HPSE2: variants seen among roughly 807,000 people sequenced by gnomAD.
The protein encoded by HPSE2 is inactive heparanase-2.
A neutral mutation model predicts 60.5 loss-of-function variants in HPSE2; 38 were observed. That is an observed-to-expected ratio of 0.63 (90% confidence interval 0.48 to 0.82). The LOEUF is 0.82. Ranked by LOEUF, HPSE2 falls within the 40% of genes least tolerant of loss-of-function variation. The pLI is 0.00. For synonymous variants in HPSE2, 295 were observed against 293.2 expected (o/e 1.01, Z -0.06); for missense variants, 713 against 740.4 (o/e 0.96, Z 0.43).
At chr10:98,909,592 T>G (rs965833981) in intron 3 of HPSE2, among the ~76,000 whole-genome samples, 1 of 149,550 alleles carries the variant, frequency 6.7e-6, no homozygotes, top group South Asian at 2.1e-4. Flanking sequence ...ATCGCGCCAC[T>G]GCACCCAGCC....
intron 9 of HPSE2, among the ~76,000 whole-genome samples, chr10:98,592,696 T>C (rs1186545904): frequency 6.6e-6 from 1 of 152,230 alleles, no homozygotes; most frequent in African/African-American, 2.4e-5. Flanking sequence ...GATTAATTTA[T>C]ATAGAAGTCA....
chr10:98,848,397 G>C (rs1189496918), intron 3 of HPSE2, among the ~76,000 whole-genome samples: 1 of 151,284 alleles, frequency 6.6e-6, no homozygotes, highest in Non-Finnish European at 1.5e-5. Context: ...CAGCCTGGGT[G>C]ACAGATTGAG....
rs1334070322 is a variant in HPSE2 at position 98,941,903 on chromosome 10, C to T, written c.611-197847G>A. On this transcript the variant is annotated intron_variant, in intron 3 of 11. Coordinates refer to ENST00000370552, the MANE Select transcript of HPSE2 (RefSeq NM_021828.5). The stretch of plus-strand genomic sequence containing the variant: ...AGAGATATAGATCAATGGAACAGAA[C>T]AGAGCCCTCAGAAATAATGCCACAT... Among the ~76,000 whole-genome samples, 13 of 141,822 alleles carry T rather than the reference C, an allele frequency of 9.2e-5. 1 individual carries two copies. The highest frequency in any genetic ancestry group is 4.3e-4 in the South Asian group (2 of 4,698). The allele number at this position is 141,822 out of a possible 152,430, so 93.0% of individuals were successfully genotyped here. A position where few individuals can be genotyped will look rare whatever the true frequency, so the allele number is the denominator to read the frequency against.
intron 3 of HPSE2, among the ~76,000 whole-genome samples, chr10:98,868,078 AAAATAAATAAATAAATAAAT>A (rs34543812): frequency 6.8e-4 from 96 of 140,270 alleles, no homozygotes; most frequent in South Asian, 1.4e-3. Flanking sequence ...AGAAAGAAAG[AAAATAAATAAATAAATAAAT>A]AAATAAATAA....
chr10:98,941,927 A>G (rs1276407548), intron 3 of HPSE2, among the ~76,000 whole-genome samples: 6 of 140,420 alleles, frequency 4.3e-5, no homozygotes, highest in Non-Finnish European at 9.1e-5. Flanking sequence ...ATAATGCCAC[A>G]TATCTACAGC....
intron 9 of HPSE2, among the ~76,000 whole-genome samples, chr10:98,613,867 A>G (rs1290302446): frequency 6.6e-6 from 1 of 152,216 alleles, no homozygotes; most frequent in Non-Finnish European, 1.5e-5. Context: ...TGTCATGACC[A>G]TGACTTCTGT....
At chr10:98,754,917 T>C (rs1489555520) in intron 3 of HPSE2, among the ~76,000 whole-genome samples, 1 of 151,926 alleles carries the variant, frequency 6.6e-6, no homozygotes, top group Admixed American at 6.6e-5. Context: ...ACTGTTTTAC[T>C]GGTCATTACA....
intron 2 of HPSE2, among the ~76,000 whole-genome samples, chr10:99,167,769 G>A (rs542498569): frequency 5.3e-5 from 8 of 151,904 alleles, no homozygotes; most frequent in East Asian, 1.9e-4. Context: ...ACAAACACAC[G>A]TATACAGAAA....
At chr10:98,750,516 A>G (rs1949734409) in intron 3 of HPSE2, among the ~76,000 whole-genome samples, 1 of 152,196 alleles carries the variant, frequency 6.6e-6, no homozygotes, top group Non-Finnish European at 1.5e-5. Flanking sequence ...TTAGGAGTCT[A>G]TAGCAATAAT....
chr10:98,546,036 G>A (rs1943662056), intron 9 of HPSE2, among the ~76,000 whole-genome samples: 2 of 131,638 alleles, frequency 1.5e-5, no homozygotes, highest in African/African-American at 5.4e-5. Context: ...CAAATCATGA[G>A]TGAACTCCCA....
At chr10:98,506,058 T>C (rs1289105871) in intron 9 of HPSE2, among the ~76,000 whole-genome samples, 1 of 152,154 alleles carries the variant, frequency 6.6e-6, no homozygotes, top group Non-Finnish European at 1.5e-5. Context: ...AACTTTGGAA[T>C]TGCATAGAAT....
intron 3 of HPSE2, among the ~76,000 whole-genome samples, chr10:98,791,998 C>G (rs1471684547): frequency 6.6e-6 from 1 of 152,168 alleles, no homozygotes; most frequent in Non-Finnish European, 1.5e-5. Flanking sequence ...AGATATGTAA[C>G]AGTTAAAAGT....
intron 9 of HPSE2, among the ~76,000 whole-genome samples, chr10:98,517,970 AC>A (rs1366309610): frequency 1.3e-5 from 2 of 152,196 alleles, no homozygotes; most frequent in African/African-American, 4.8e-5. Flanking sequence ...CTTGATTATT[AC>A]CCAAGAAGTA....
intron 5 of HPSE2, among the ~76,000 whole-genome samples, chr10:98,716,206 C>T (rs1948785076): frequency 6.6e-6 from 1 of 151,940 alleles, no homozygotes. Flanking sequence ...TTTCAGGCTA[C>T]ACTTCTAATT....
intron 6 of HPSE2, among the ~76,000 whole-genome samples, chr10:98,687,667 C>A (rs577665457): frequency 2.6e-5 from 4 of 152,262 alleles, no homozygotes; most frequent in Non-Finnish European, 5.9e-5. Flanking sequence ...ATTATTATGT[C>A]TTCCTGATGA....
chr10:98,806,490 C>A (rs2134550506), intron 3 of HPSE2, among the ~76,000 whole-genome samples: 1 of 152,280 alleles, frequency 6.6e-6, no homozygotes, highest in Middle Eastern at 3.4e-3. Flanking sequence ...CTCAGCTCTG[C>A]CTCTTACTTC....
intron 11 of HPSE2, among the ~76,000 whole-genome samples, chr10:98,469,458 T>C (rs1418352746): frequency 6.6e-6 from 1 of 152,208 alleles, no homozygotes; most frequent in African/African-American, 2.4e-5. Flanking sequence ...ACAAGTAGTG[T>C]TTAAGGGGCA....
chr10:98,906,945 T>G (rs1264463642), intron 3 of HPSE2, among the ~76,000 whole-genome samples: 1 of 151,892 alleles, frequency 6.6e-6, no homozygotes, highest in African/African-American at 2.4e-5. Flanking sequence ...AACTTAGTAA[T>G]GAAGGGCATT....
chr10:99,012,297 A>T (rs1957036112), intron 3 of HPSE2, among the ~76,000 whole-genome samples: 1 of 152,148 alleles, frequency 6.6e-6, no homozygotes, highest in Non-Finnish European at 1.5e-5. Context: ...ATAATTACTC[A>T]TTGTACAATC....
Sources: allele counts gnomAD v4.1 joint callset (sites outside exome capture counted in the v4.1 genomes callset), GRCh38; gene constraint gnomAD v4.1.1; transcripts MANE v1.5; gene names NCBI Gene and HGNC (gene_info 2026-07-23, HGNC 2026-07-21).